XRN1: variants seen among roughly 807,000 people sequenced by gnomAD.
XRN1 encodes 5'-3' exoribonuclease 1.
A neutral mutation model predicts 222.3 loss-of-function variants in XRN1; 67 were observed. That is an observed-to-expected ratio of 0.30 (90% CI 0.25 to 0.37). XRN1 has a LOEUF of 0.37. Among genes scored for constraint, XRN1 ranks in the 10% least tolerant of loss-of-function variants. The pLI, the probability that XRN1 is intolerant of heterozygous loss-of-function variation, is 1.00. For synonymous variants in XRN1, 643 were observed against 652.4 expected, an observed-to-expected ratio of 0.99 and a Z score of 0.22; for missense variants, 1,707 against 2,000.2, an observed-to-expected ratio of 0.85 and a Z score of 2.80.
At chr3:142,319,941 C>T (rs1375090876) in intron 37 of XRN1, among the ~76,000 whole-genome samples, 3 of 152,086 alleles carry the variant, frequency 2.0e-5, no homozygotes, top group African/African-American at 7.2e-5. Flanking sequence ...CGCACGCACA[C>T]ATACCCACAC....
chr3:142,332,934 A>T, intron 35 of XRN1, 33 bp downstream of exon 35: 1 of 1,609,158 alleles, frequency 6.2e-7, no homozygotes. Context: ...TCGAGAAATT[A>T]CCACAGTAAG....
At chr3:142,360,023 A>C in intron 29 of XRN1, 92 bp from the exon 30 acceptor site, 1 of 741,578 alleles carries the variant, frequency 1.3e-6, no homozygotes, top group Non-Finnish European at 2.1e-6. Context: ...AGTATTTATT[A>C]TAAAATTCTA....
chr3:142,344,147 T>C (rs1457997932), intron 33 of XRN1, among the ~76,000 whole-genome samples: 1 of 152,056 alleles, frequency 6.6e-6, no homozygotes, highest in Non-Finnish European at 1.5e-5. Flanking sequence ...AAAAAATAGA[T>C]GAATTAGACC....
chr3:142,440,890 C>T (rs1353903457), intron 1 of XRN1, among the ~76,000 whole-genome samples: 1 of 152,156 alleles, frequency 6.6e-6, no homozygotes, highest in Non-Finnish European at 1.5e-5. Flanking sequence ...ACTGTTTTAC[C>T]CCAAGGGTTC....
intron 12 of XRN1, 130 bp from the exon 13 acceptor site, chr3:142,417,359 TAAA>T: frequency 1.4e-6 from 1 of 698,942 alleles, no homozygotes; most frequent in Non-Finnish European, 2.3e-6. Context: ...TATTTATGGC[TAAA>T]AATTATAATC....
At chr3:142,395,563 T>G (rs557931707) in intron 20 of XRN1, among the ~76,000 whole-genome samples, 1 of 152,316 alleles carries the variant, frequency 6.6e-6, no homozygotes, top group South Asian at 2.1e-4. Context: ...CTCTCACAGC[T>G]GAACTTTTTG....
intron 33 of XRN1, among the ~76,000 whole-genome samples, chr3:142,336,153 A>G (rs989085241): frequency 6.6e-6 from 1 of 152,216 alleles, no homozygotes. Flanking sequence ...CAGGATGTGA[A>G]GATGAAGGAG....
At chr3:142,369,286 G>A (rs150533624) in intron 27 of XRN1, among the ~76,000 whole-genome samples, 87 of 152,274 alleles carry the variant, frequency 5.7e-4, no homozygotes, top group African/African-American at 1.8e-3. Context: ...AAAGCGAGAC[G>A]TAAGAAATAG....
Position 142,391,745 on chromosome 3 carries a change from A to T in XRN1, c.2339+5584T>A, listed in dbSNP as rs1456622035. On this transcript the variant is annotated intron_variant, in intron 20 of 40. Transcript: ENST00000392981. ...TAAGACCCCGTCTCACTAAAAAAAA[A>T]AAAAATATATATATATATATATATA... is the stretch of plus-strand genomic sequence containing the variant. Among the ~76,000 whole-genome samples, 95 of 80,268 alleles carry T rather than the reference A, an allele frequency of 1.2e-3. No homozygotes were observed. The South Asian group carries it at 0.027, about 23-fold the overall frequency. 52.7% of individuals were successfully genotyped at this position (80,268 alleles called of 152,430 possible).
chr3:142,420,676 T>TA (rs1203089808), intron 10 of XRN1, among the ~76,000 whole-genome samples: 2 of 152,140 alleles, frequency 1.3e-5, no homozygotes, highest in African/African-American at 4.8e-5. Flanking sequence ...TGGCCTTAAA[T>TA]AATTGTTTTT....
chr3:142,324,472 C>T (rs1409050126), intron 37 of XRN1, among the ~76,000 whole-genome samples: 4 of 152,080 alleles, frequency 2.6e-5, no homozygotes, highest in African/African-American at 4.8e-5. Flanking sequence ...ATATCTGCCA[C>T]ATTTTCTTAA....
At chr3:142,355,556 T>A in intron 31 of XRN1, 60 bp from the exon 32 acceptor site, 1 of 1,125,146 alleles carries the variant, frequency 8.9e-7, no homozygotes, top group Non-Finnish European at 1.3e-6. Flanking sequence ...AAATACATAT[T>A]AAAAATCAAA....
At position 142,306,726 on chromosome 3, in the gene XRN1, A is replaced by T. The variant is rs2064972685; in HGVS notation, c.*4785T>A. 1 of 152,650 alleles carries T rather than the reference A, an allele frequency of 6.6e-6. No homozygotes were observed. Among genetic ancestry groups the T allele is most frequent in the Non-Finnish European group, 1.5e-5 (1 of 68,040 alleles). 9.5% of individuals were successfully genotyped at this position (152,650 alleles called of 1,614,324 possible). On this transcript the variant is annotated 3_prime_UTR_variant, in exon 41 of 41. Coordinates refer to ENST00000392981, the MANE Select transcript of XRN1 (RefSeq NM_001282857.2). Reference sequence around the variant, plus strand: ...TCCTTTGCACAGCATCGTGAGGCTAACTTCATGCTAGAAATCTACGGATAA... The same window carrying T: ...TCCTTTGCACAGCATCGTGAGGCTATCTTCATGCTAGAAATCTACGGATAA...
At chr3:142,400,407 T>C (rs1261052187) in intron 19 of XRN1, 37 bp downstream of exon 19, 2 of 1,517,130 alleles carry the variant, frequency 1.3e-6, no homozygotes, top group African/African-American at 1.4e-5. Flanking sequence ...ACAAAGCAAA[T>C]ATATGTTAGA....
chr3:142,418,934 G>C, intron 10 of XRN1, 53 bp from the exon 11 acceptor site: 1 of 1,516,716 alleles, frequency 6.6e-7, no homozygotes, highest in Non-Finnish European at 9.2e-7. Flanking sequence ...TTCAAAATGA[G>C]ATGTCATTTC....
At chr3:142,433,477 T>C (rs1048880073) in intron 1 of XRN1, among the ~76,000 whole-genome samples, 1 of 152,242 alleles carries the variant, frequency 6.6e-6, no homozygotes, top group Non-Finnish European at 1.5e-5. Context: ...GTTAATAATT[T>C]GTAAGCTCCG....
rs968856346 is a variant in XRN1, at chr3:142,422,637, A to T, written c.912T>A (p.His304Gln). Residue 304 changes from histidine (H) to glutamine (Q), a missense_variant, in exon 8 of 41, where the codon CAT (histidine) becomes CAA (glutamine). Physicochemically the swap from His to Gln is conservative, Grantham distance 24. This residue lies in a region of XRN1 where 1,234 missense variants were observed against 1,518.2 expected (regional missense o/e 0.81). Coordinates refer to ENST00000392981, the MANE Select transcript of XRN1 (RefSeq NM_001282857.2). Reference sequence around the variant, plus strand: ...TTCCATAAAGAAGAGGCAGTGCATCATGATTAATATGTAAATGAGGTAGAT... The same window carrying T: ...TTCCATAAAGAAGAGGCAGTGCATCTTGATTAATATGTAAATGAGGTAGAT... ...IPHLPHLHIN[H>Q]DALPLLYGTY... 6.2e-7 allele frequency: 1 copy of T among 1,613,688 alleles called. No homozygotes were observed. Among genetic ancestry groups the T allele is most frequent in the South Asian group, 1.1e-5 (1 of 91,040 alleles).
intron 33 of XRN1, among the ~76,000 whole-genome samples, chr3:142,343,020 C>G (rs2066039995): frequency 6.6e-6 from 1 of 152,018 alleles, no homozygotes; most frequent in African/African-American, 2.4e-5. Flanking sequence ...TGCAAACTAT[C>G]CATCTGACAA....
chr3:142,426,520 A>G, intron 3 of XRN1: 1 of 487,000 alleles, frequency 2.1e-6, no homozygotes, highest in East Asian at 3.4e-5. Context: ...ATTCCTGTCC[A>G]TATCTGCTCT....
Sources: allele counts gnomAD v4.1 joint callset (sites outside exome capture counted in the v4.1 genomes callset), GRCh38; gene constraint gnomAD v4.1.1; regional missense constraint gnomAD v4.1.1; transcripts MANE v1.5; gene names NCBI Gene and HGNC (gene_info 2026-07-23, HGNC 2026-07-21).